The following ARHGAP24 variants were observed in gnomAD, a reference collection of about 807,000 sequenced individuals.
ARHGAP24 encodes rho GTPase-activating protein 24.
In ARHGAP24, 50 loss-of-function variants were observed where a neutral mutation model predicts 76.4. That is an observed-to-expected ratio of 0.65 (90% CI 0.52 to 0.83). ARHGAP24 has a LOEUF of 0.83. Among genes scored for constraint, ARHGAP24 ranks in the 40% least tolerant of loss-of-function variants. The pLI is 0.00. For missense variants in ARHGAP24, 930 were observed against 914.2 expected, an observed-to-expected ratio of 1.02 and a Z score of -0.22; for synonymous variants, 345 against 323.3, an observed-to-expected ratio of 1.07 and a Z score of -0.72.
At chr4:85,794,062 C>T (rs1169203788) in intron 3 of ARHGAP24, among the ~76,000 whole-genome samples, 1 of 152,112 alleles carries the variant, frequency 6.6e-6, no homozygotes, top group Admixed American at 6.5e-5. Context: ...TCAAACAATC[C>T]AAATATATTA....
chr4:85,938,213 CT>C (rs1421866157), intron 4 of ARHGAP24, among the ~76,000 whole-genome samples: 1 of 152,152 alleles, frequency 6.6e-6, no homozygotes, highest in East Asian at 1.9e-4. Context: ...CACCAATGTA[CT>C]TTCACAGGGA....
At chr4:85,827,946 A>G (rs932740095) in intron 3 of ARHGAP24, 4 of 1,289,760 alleles carry the variant, frequency 3.1e-6, no homozygotes, top group Non-Finnish European at 4.0e-6. Flanking sequence ...TGCATTTGTC[A>G]CTGACCACTG....
At chr4:85,687,570 C>T (rs1042722922) in intron 2 of ARHGAP24, among the ~76,000 whole-genome samples, 1 of 152,144 alleles carries the variant, frequency 6.6e-6, no homozygotes, top group Non-Finnish European at 1.5e-5. Context: ...CAGCTGCATT[C>T]ATATTGCAGC....
intron 1 of ARHGAP24, among the ~76,000 whole-genome samples, chr4:85,509,201 G>A (rs1360548327): frequency 9.6e-5 from 12 of 124,522 alleles, no homozygotes; most frequent in Admixed American, 2.6e-4. Context: ...GTTGTGGGGT[G>A]GGGGGAGGGG....
chr4:85,958,015 G>T (rs546107302), intron 5 of ARHGAP24, among the ~76,000 whole-genome samples: 9 of 152,244 alleles, frequency 5.9e-5, no homozygotes, highest in Middle Eastern at 6.8e-3. Flanking sequence ...AAATAAAAGT[G>T]CCCAATTAAC....
At chr4:85,655,703 C>T (rs1722113475) in intron 2 of ARHGAP24, among the ~76,000 whole-genome samples, 1 of 149,130 alleles carries the variant, frequency 6.7e-6, no homozygotes, top group Admixed American at 6.7e-5. Flanking sequence ...ACCCGGAATG[C>T]GGAGGTTGCA....
Position 85,812,591 on chromosome 4 carries a change from AT to A in ARHGAP24, c.268+90621del, listed in dbSNP as rs564446013. 9.7e-4 allele frequency among the ~76,000 whole-genome samples: 148 copies of A among 152,216 alleles called. 1 individual carries two copies. The highest frequency in any genetic ancestry group is 1.8e-3 in the Non-Finnish European group (125 of 68,006). On this transcript the variant is annotated intron_variant, in intron 3 of 9. Coordinates refer to ENST00000395184, the MANE Select transcript of ARHGAP24 (RefSeq NM_001025616.3). ...TAACAATAAAACCCAGATTCTGCAG[AT>A]TGTCAATAATAGGAAAGTCTCACAT...
chr4:85,742,736 A>G (rs1725872146), intron 3 of ARHGAP24, among the ~76,000 whole-genome samples: 1 of 152,172 alleles, frequency 6.6e-6, no homozygotes, highest in South Asian at 2.1e-4. Flanking sequence ...TGTATTCTCT[A>G]TTATGAATTG....
chr4:85,996,348 A>T (rs2589505), intron 9 of ARHGAP24, among the ~76,000 whole-genome samples: 1 of 152,048 alleles, frequency 6.6e-6, no homozygotes, highest in Non-Finnish European at 1.5e-5. Flanking sequence ...AATATGATTT[A>T]TAAAGAAGCA....
intron 2 of ARHGAP24, among the ~76,000 whole-genome samples, chr4:85,699,199 C>G (rs1025629930): frequency 1.3e-5 from 2 of 152,188 alleles, no homozygotes; most frequent in African/African-American, 4.8e-5. Context: ...AGATTTGAAT[C>G]AGAGACTACA....
chr4:85,730,035 C>T (rs1410561761), intron 3 of ARHGAP24, among the ~76,000 whole-genome samples: 1 of 152,146 alleles, frequency 6.6e-6, no homozygotes, highest in East Asian at 1.9e-4. Flanking sequence ...TATCCATTGC[C>T]TCAAAATCAT....
intron 3 of ARHGAP24, among the ~76,000 whole-genome samples, chr4:85,831,828 G>A (rs930893610): frequency 4.6e-5 from 7 of 151,438 alleles, no homozygotes; most frequent in East Asian, 1.9e-4. Flanking sequence ...CCTGAGTCCC[G>A]GAAGTCAAGG....
At chr4:85,617,704 A>G (rs938513616) in intron 2 of ARHGAP24, among the ~76,000 whole-genome samples, 9 of 152,224 alleles carry the variant, frequency 5.9e-5, no homozygotes, top group Non-Finnish European at 1.3e-4. Flanking sequence ...TACATGTATA[A>G]CATATCAGTA....
intron 2 of ARHGAP24, among the ~76,000 whole-genome samples, chr4:85,637,504 G>A (rs1721350337): frequency 6.6e-6 from 1 of 151,976 alleles, no homozygotes; most frequent in African/African-American, 2.4e-5. Context: ...CTAAATGTAT[G>A]TTGCCAATAG....
At chr4:85,940,878 A>G (rs536913925) in intron 4 of ARHGAP24, among the ~76,000 whole-genome samples, 1 of 152,330 alleles carries the variant, frequency 6.6e-6, no homozygotes, top group East Asian at 1.9e-4. Flanking sequence ...TTTCTTTGGT[A>G]ACAATTCGTT....
chr4:85,575,255 T>G (rs1727324104), intron 2 of ARHGAP24, among the ~76,000 whole-genome samples: 1 of 152,212 alleles, frequency 6.6e-6, no homozygotes, highest in Admixed American at 6.5e-5. Context: ...AAGTTGATTT[T>G]GATTGTTTTT....
At chr4:85,515,931 T>A (rs1187929523) in intron 1 of ARHGAP24, among the ~76,000 whole-genome samples, 3 of 152,306 alleles carry the variant, frequency 2.0e-5, no homozygotes, top group South Asian at 2.1e-4. Context: ...GCCCTGCCAA[T>A]GGAGGGTGCT....
At chr4:85,724,614 G>T (rs1169896819) in intron 3 of ARHGAP24, among the ~76,000 whole-genome samples, 1 of 150,432 alleles carries the variant, frequency 6.6e-6, no homozygotes, top group Non-Finnish European at 1.5e-5. Context: ...AAAAAAACAA[G>T]AATTTTCAAT....
intron 5 of ARHGAP24, among the ~76,000 whole-genome samples, chr4:85,958,173 G>A (rs1458323092): frequency 2.6e-5 from 4 of 152,136 alleles, no homozygotes; most frequent in Admixed American, 1.3e-4. Flanking sequence ...TTAATGAACC[G>A]AAACTCGTTA....
Sources: gnomAD v4.1 joint callset for allele counts (sites outside exome capture counted in the v4.1 genomes callset) on GRCh38, gnomAD v4.1.1 for gene constraint, MANE v1.5 for transcripts, NCBI Gene and HGNC (gene_info 2026-07-23, HGNC 2026-07-21) for gene names.